Variants in CEP152 observed in about 807,000 individuals in gnomAD.
CEP152 encodes centrosomal protein 152.
In CEP152, 132 loss-of-function variants were observed where a neutral mutation model predicts 188.9. That is an observed-to-expected ratio of 0.70 (90% CI 0.61 to 0.81). The LOEUF (loss-of-function observed/expected upper bound fraction) is 0.81. Among genes scored for constraint, CEP152 ranks in the 30% least tolerant of loss-of-function variants. The pLI is 0.00. For synonymous variants in CEP152, 649 were observed against 666.6 expected (o/e 0.97, Z 0.41); for missense variants, 1,914 against 1,969.8 (o/e 0.97, Z 0.54).
chr15:48,765,838 G>A (rs958208918), intron 17 of CEP152, among the ~76,000 whole-genome samples: 1 of 151,434 alleles, frequency 6.6e-6, no homozygotes, highest in African/African-American at 2.4e-5. Context: ...ATTTTTAGTA[G>A]AGACGGGGTT....
At position 48,772,498 on chromosome 15, in the gene CEP152, T is replaced by C; in HGVS notation, c.1771A>G (p.Ile591Val). Residue 591 changes from isoleucine (I) to valine (V), a missense_variant, in exon 13 of 27, where the codon ATT (isoleucine) becomes GTT (valine). Ile to Val is a conservative substitution (Grantham distance 29, BLOSUM62 3). Transcript: ENST00000380950. Reference sequence around the variant, plus strand: ...TAGGCTTTACATACCTCAACCTCAATGCTTTTTTCATCCTTCTTCACTTGG... The same window carrying C: ...TAGGCTTTACATACCTCAACCTCAACGCTTTTTTCATCCTTCTTCACTTGG... ...LHQVKKDEKS[I>V]EVETKTDTSE... is the part of the protein sequence containing the mutation. 1.2e-6 allele frequency: 2 copies of C among 1,612,612 alleles called. No homozygotes were observed. The highest frequency in any genetic ancestry group is 4.5e-5 in the East Asian group (2 of 44,874).
At chr15:48,794,638 T>C (rs1897180404) in intron 6 of CEP152, among the ~76,000 whole-genome samples, 1 of 152,188 alleles carries the variant, frequency 6.6e-6, no homozygotes. Flanking sequence ...CTTGAAGAAG[T>C]GCAGAGTGTT....
intron 8 of CEP152, among the ~76,000 whole-genome samples, chr15:48,790,795 T>C (rs1896943937): frequency 6.6e-6 from 1 of 152,206 alleles, no homozygotes; most frequent in African/African-American, 2.4e-5. Context: ...CTCAAACTCC[T>C]GACCTCAGGT....
chr15:48,779,109 C>G (rs544645678), intron 12 of CEP152, among the ~76,000 whole-genome samples: 1 of 152,278 alleles, frequency 6.6e-6, no homozygotes, highest in Admixed American at 6.5e-5. Context: ...CCCAGACCAA[C>G]TAGAGCAGAA....
intron 20 of CEP152, 145 bp from the exon 21 acceptor site, chr15:48,752,614 G>A (rs1893960141): frequency 1.4e-6 from 2 of 1,386,988 alleles, no homozygotes; most frequent in Admixed American, 2.6e-5. Context: ...ATTTTTCTTA[G>A]GGTGTTATAT....
intron 10 of CEP152, chr15:48,783,135 A>C (rs1262058017): frequency 6.6e-6 from 1 of 152,220 alleles, no homozygotes; most frequent in Admixed American, 6.5e-5. Flanking sequence ...ACCTGTTTTC[A>C]CAATGTGAGC....
At chr15:48,799,097 C>T (rs750719913) in intron 2 of CEP152, among the ~76,000 whole-genome samples, 3 of 151,944 alleles carry the variant, frequency 2.0e-5, no homozygotes, top group Non-Finnish European at 4.4e-5. Flanking sequence ...GGACATAAAT[C>T]AAACCCCATA....
At chr15:48,752,492 T>G (rs753069628) in intron 20 of CEP152, 23 bp from the exon 21 acceptor site, 9 of 1,611,822 alleles carry the variant, frequency 5.6e-6, no homozygotes, top group Non-Finnish European at 7.6e-6. Flanking sequence ...ATCTTCAAAG[T>G]TAATGCTTAG....
chr15:48,781,345 T>C lies in CEP152; in HGVS notation c.1428A>G (p.Glu476=). 1 of 1,603,706 alleles carries C rather than the reference T, an allele frequency of 6.2e-7. No homozygotes were observed. Among genetic ancestry groups the C allele is most frequent in the Non-Finnish European group, 8.5e-7 (1 of 1,171,450 alleles). ...MNKALQEELT[E]LKDEISLYES... The stretch of plus-strand genomic sequence containing the variant: ...CATAGAGAGAAATTTCATCTTTTAG[T>C]TCTGTTAATTCTTCCTACAACACAA... Residue 476 remains glutamate (E), a synonymous_variant, in exon 12 of 27, where the codon GAA becomes GAG. Coordinates refer to ENST00000380950, the MANE Select transcript of CEP152 (RefSeq NM_001194998.2).
rs747017900 is a variant in CEP152 at position 48,762,502 on chromosome 15, C to T, written c.2451G>A (p.Lys817=). The T allele has an allele frequency of 1.2e-6, 2 of 1,613,954 alleles. No homozygotes were observed. Among genetic ancestry groups the T allele is most frequent in the Non-Finnish European group, 1.7e-6 (2 of 1,179,998 alleles). ...GTTCTAAGTTTTGCTGGATTGTGCA[C>T]TTCTGCTCTTCTATCATAATTGCCA... is the stretch of plus-strand genomic sequence containing the variant. ...KEMAIMIEEQ[K]CTIQQNLEQE... The change falls in exon 18 of 27, where the codon AAG becomes AAA. Residue 817 remains lysine (K), a synonymous_variant. Transcript: ENST00000380950.
chr15:48,756,369 C>T lies in CEP152; in HGVS notation c.2879G>A (p.Trp960Ter). ...RAELAKARSE[W>*]NKEKQEEIHR... ...GATTTCTTCTTGCTTTTCTTTGTTC[C>T]ATTCACTCCGAGCCTTAGCTAACTC... Residue 960 changes from tryptophan (W) to a stop codon, truncating the protein, a stop_gained, in exon 20 of 27, where the codon TGG becomes TAG. Transcript: ENST00000380950. LOFTEE classifies it high-confidence loss of function. 1 of 1,590,868 alleles carries T rather than the reference C, an allele frequency of 6.3e-7. No individual in the cohort carries two copies. Among genetic ancestry groups the T allele is most frequent in the South Asian group, 1.2e-5 (1 of 85,914 alleles).
intron 11 of CEP152, 132 bp downstream of exon 11, chr15:48,782,004 GAAC>G (rs1567012965): frequency 2.6e-6 from 2 of 756,588 alleles, no homozygotes. Flanking sequence ...AGGAGATGGT[GAAC>G]AACTCCCATG....
At chr15:48,732,582 G>A (rs1288597087) in intron 2 of CEP152, among the ~76,000 whole-genome samples, 1 of 151,606 alleles carries the variant, frequency 6.6e-6, no homozygotes, top group Non-Finnish European at 1.5e-5. Flanking sequence ...TTAAGAGGAT[G>A]GGTCAATAGG....
intron 22 of CEP152, among the ~76,000 whole-genome samples, chr15:48,746,995 G>A (rs1893488601): frequency 6.6e-6 from 1 of 152,126 alleles, no homozygotes; most frequent in Non-Finnish European, 1.5e-5. Flanking sequence ...AAGAGAGCTG[G>A]GGGAAGACAA....
At chr15:48,747,185 G>A (rs896440025) in intron 22 of CEP152, among the ~76,000 whole-genome samples, 7 of 152,144 alleles carry the variant, frequency 4.6e-5, no homozygotes, top group African/African-American at 1.7e-4. Context: ...GGATTAGAGG[G>A]GCTAGACTAG....
chr15:48,741,293 C>A, intron 26 of CEP152: 1 of 1,188,732 alleles, frequency 8.4e-7, no homozygotes, highest in Non-Finnish European at 1.1e-6. Flanking sequence ...TGATGCCTGG[C>A]CCACTGCAAC....
intron 7 of CEP152, 75 bp downstream of exon 7, chr15:48,793,246 T>G (rs1897096922): frequency 6.4e-7 from 1 of 1,557,426 alleles, no homozygotes; most frequent in Non-Finnish European, 8.8e-7. Flanking sequence ...CTAAGCTTCG[T>G]ATGTAATCTG....
At chr15:48,793,246 T>C in intron 7 of CEP152, 75 bp downstream of exon 7, 2 of 1,557,426 alleles carry the variant, frequency 1.3e-6, no homozygotes, top group Non-Finnish European at 1.8e-6. Flanking sequence ...CTAAGCTTCG[T>C]ATGTAATCTG....
chr15:48,796,072 T>C lies in CEP152; in HGVS notation c.629A>G (p.Gln210Arg), dbSNP rs368491626. ...SSAQNNGSPA[Q>R]EITGSDTFEG... ...GAATGTGTCACTTCCTGTTATCTCCTGGGCTGGTGAGCCATTATTCTGGGC... is the reference window on the plus strand; with the variant it reads ...GAATGTGTCACTTCCTGTTATCTCCCGGGCTGGTGAGCCATTATTCTGGGC... The change falls in exon 6 of 27, where the codon CAG becomes CGG. Residue 210 changes from glutamine (Q) to arginine (R), a missense_variant. By Grantham distance (43) the Gln-to-Arg change is conservative. Coordinates refer to ENST00000380950, the MANE Select transcript of CEP152 (RefSeq NM_001194998.2). The C allele has an allele frequency of 4.3e-6, 7 of 1,613,816 alleles. No individual in the cohort carries two copies. The highest frequency in any genetic ancestry group is 5.9e-6 in the Non-Finnish European group (7 of 1,179,864).
Sources: allele counts gnomAD v4.1 joint callset (sites outside exome capture counted in the v4.1 genomes callset), GRCh38; gene constraint gnomAD v4.1.1; transcripts MANE v1.5; gene names NCBI Gene and HGNC (gene_info 2026-07-23, HGNC 2026-07-21).